The following MCU variants were observed in gnomAD, a reference collection of about 807,000 sequenced individuals.
MCU encodes calcium uniporter protein, mitochondrial.
In MCU, 12 loss-of-function variants were observed where a neutral mutation model predicts 45.2. That is an observed-to-expected ratio of 0.27 (90% confidence interval 0.17 to 0.43). The LOEUF is 0.43. Among genes scored for constraint, MCU ranks in the 20% least tolerant of loss-of-function variants. The probability of loss-of-function intolerance (pLI) is 1.00; values close to 1 mark genes in which losing one functional copy is unlikely to be tolerated. For synonymous variants in MCU, 160 were observed against 165.1 expected, an observed-to-expected ratio of 0.97 and a Z score of 0.24; for missense variants, 324 against 436.7, an observed-to-expected ratio of 0.74 and a Z score of 2.30.
intron 1 of MCU, among the ~76,000 whole-genome samples, chr10:72,735,830 A>G (rs1843245431): frequency 6.6e-6 from 1 of 152,206 alleles, no homozygotes; most frequent in Non-Finnish European, 1.5e-5. Flanking sequence ...ATCTTTGTGG[A>G]TCTTCAACCT....
At chr10:72,809,590 G>C (rs1844506917) in intron 1 of MCU, among the ~76,000 whole-genome samples, 2 of 152,176 alleles carry the variant, frequency 1.3e-5, no homozygotes, top group Non-Finnish European at 2.9e-5. Context: ...CAGGGACTTA[G>C]AGGTATATTT....
Position 72,770,901 on chromosome 10 carries a change from G to GT in MCU, c.151-63450dup, listed in dbSNP as rs1270136045. 4.6e-4 allele frequency among the ~76,000 whole-genome samples: 70 copies of GT among 151,436 alleles called. 1 individual carries two copies. The highest frequency in any genetic ancestry group is 2.1e-4 in the South Asian group (1 of 4,784). ...ATAATTGCCTTTACTGGAACTCTTC[G>GT]TTTTTTTTCCTTTGTATTTGAATTA... On this transcript the variant is annotated intron_variant, in intron 1 of 7. Coordinates refer to ENST00000373053, the MANE Select transcript of MCU (RefSeq NM_138357.3).
intron 6 of MCU, among the ~76,000 whole-genome samples, chr10:72,878,808 G>A (rs1368933185): frequency 1.3e-5 from 2 of 152,146 alleles, no homozygotes; most frequent in Non-Finnish European, 2.9e-5. Context: ...CAGTGGAAAG[G>A]CCTAATATGT....
chr10:72,719,242 ATATATGCTGTCAGAAT>A (rs1477943363), intron 1 of MCU, among the ~76,000 whole-genome samples: 1 of 152,204 alleles, frequency 6.6e-6, no homozygotes, highest in Non-Finnish European at 1.5e-5. Flanking sequence ...TTATCTTAGA[ATATATGCTGTCAGAAT>A]TATAGGATTA....
chr10:72,758,649 A>G (rs1843611529), intron 1 of MCU, among the ~76,000 whole-genome samples: 1 of 152,294 alleles, frequency 6.6e-6, no homozygotes, highest in African/African-American at 2.4e-5. Flanking sequence ...ATTGATGAGT[A>G]TTGGTCAAGA....
At chr10:72,747,768 C>G (rs1304586858) in intron 1 of MCU, among the ~76,000 whole-genome samples, 1 of 151,864 alleles carries the variant, frequency 6.6e-6, no homozygotes, top group Non-Finnish European at 1.5e-5. Flanking sequence ...CCTGGGAGGT[C>G]GCAGCTGCAG....
intron 1 of MCU, among the ~76,000 whole-genome samples, chr10:72,823,828 G>A (rs963893044): frequency 2.0e-5 from 3 of 152,272 alleles, no homozygotes; most frequent in South Asian, 2.1e-4. Context: ...GGGAGGCCGA[G>A]TTGGGAGGAT....
At chr10:72,699,944 G>A (rs1647689443) in intron 1 of MCU, among the ~76,000 whole-genome samples, 1 of 151,682 alleles carries the variant, frequency 6.6e-6, no homozygotes, top group Non-Finnish European at 1.5e-5. Flanking sequence ...CTGGAAATGG[G>A]TCACGCATCT....
At chr10:72,791,144 A>T (rs1479539553) in intron 1 of MCU, among the ~76,000 whole-genome samples, 1 of 152,206 alleles carries the variant, frequency 6.6e-6, no homozygotes, top group African/African-American at 2.4e-5. Context: ...AAGTAGTGGC[A>T]CATTTTACCT....
chr10:72,694,333 A>G (rs1240398459), intron 1 of MCU, among the ~76,000 whole-genome samples: 1 of 152,170 alleles, frequency 6.6e-6, no homozygotes, highest in African/African-American at 2.4e-5. Context: ...CTAAAAAGAG[A>G]GAGACTTGGC....
At chr10:72,698,864 T>C (rs1286015160) in intron 1 of MCU, among the ~76,000 whole-genome samples, 1 of 152,130 alleles carries the variant, frequency 6.6e-6, no homozygotes, top group African/African-American at 2.4e-5. Context: ...AGTATAGTAG[T>C]CTGATCATGG....
intron 1 of MCU, among the ~76,000 whole-genome samples, chr10:72,773,771 T>G (rs1843848064): frequency 6.6e-6 from 1 of 152,150 alleles, no homozygotes; most frequent in Non-Finnish European, 1.5e-5. Context: ...CCAATTGGTC[T>G]GGCAACAGAC....
intron 1 of MCU, among the ~76,000 whole-genome samples, chr10:72,737,455 A>C (rs1843266170): frequency 6.6e-6 from 1 of 152,108 alleles, no homozygotes; most frequent in African/African-American, 2.4e-5. Context: ...GAGAGGGGGT[A>C]AGGGAAGCAG....
intron 1 of MCU, among the ~76,000 whole-genome samples, chr10:72,757,270 T>TCAC (rs1843591571): frequency 1.3e-5 from 2 of 152,018 alleles, no homozygotes; most frequent in South Asian, 4.2e-4. Context: ...GCAACGGGAA[T>TCAC]CACCACCACC....
chr10:72,812,430 G>A lies in MCU; in HGVS notation c.151-21929G>A, dbSNP rs555773585. Among the ~76,000 whole-genome samples the A allele has an allele frequency of 6.0e-4, 91 of 152,336 alleles. 2 individuals are homozygous for A. In the South Asian group the frequency reaches 0.019, roughly 31 times the overall value. ...CAAAGTGCTGGGATTACAGGCATGA[G>A]CCACTGCGCCCATACTCCAGATTTC... On this transcript the variant is annotated intron_variant, in intron 1 of 7. Transcript: ENST00000373053.
At chr10:72,872,383 A>G (rs1845557172) in intron 6 of MCU, among the ~76,000 whole-genome samples, 1 of 152,046 alleles carries the variant, frequency 6.6e-6, no homozygotes, top group Non-Finnish European at 1.5e-5. Flanking sequence ...CCATTAACTA[A>G]CTTTTCCCTA....
chr10:72,726,343 C>T (rs1045378824), intron 1 of MCU, among the ~76,000 whole-genome samples: 2 of 151,886 alleles, frequency 1.3e-5, no homozygotes, highest in Admixed American at 1.3e-4. Context: ...TTGTTTTTCT[C>T]ACATAGTAAT....
intron 1 of MCU, among the ~76,000 whole-genome samples, chr10:72,803,748 C>T (rs545717531): frequency 6.6e-6 from 1 of 151,706 alleles, no homozygotes; most frequent in Non-Finnish European, 1.5e-5. Context: ...ACACAAAATA[C>T]TGGATTGTTT....
intron 1 of MCU, among the ~76,000 whole-genome samples, chr10:72,822,839 C>CAAA (rs552126064): frequency 2.3e-5 from 3 of 132,894 alleles, no homozygotes; most frequent in African/African-American, 2.8e-5. Context: ...GACCCTGTCT[C>CAAA]AAAAAAAAAA....
Sources: allele counts gnomAD v4.1 joint callset (sites outside exome capture counted in the v4.1 genomes callset), GRCh38; gene constraint gnomAD v4.1.1; transcripts MANE v1.5; gene names NCBI Gene and HGNC (gene_info 2026-07-23, HGNC 2026-07-21).